Variants in SLC7A9 observed in about 807,000 individuals in gnomAD.
SLC7A9 encodes B(0,+)-type amino acid transporter 1.
SLC7A9 carries 38 observed loss-of-function variants against 54.1 expected under a neutral mutation model. The observed-to-expected ratio is 0.70, with a 90% confidence interval of 0.54 to 0.92. SLC7A9 has a LOEUF of 0.92. Ranked by LOEUF, SLC7A9 falls within the 40% of genes least tolerant of loss-of-function variation. The pLI, the probability that SLC7A9 is intolerant of heterozygous loss-of-function variation, is 0.00. For missense variants in SLC7A9, 537 were observed against 636.1 expected (o/e 0.84, Z 1.68); for synonymous variants, 264 against 258.9 (o/e 1.02, Z -0.19).
chr19:32,846,379 C>A (rs542464499), intron 9 of SLC7A9, among the ~76,000 whole-genome samples: 13 of 152,248 alleles, frequency 8.5e-5, no homozygotes, highest in African/African-American at 2.4e-4. Flanking sequence ...TATCCCGCAC[C>A]TGGCTCGGAG....
At chr19:32,832,925 T>C (rs1445871574) in intron 12 of SLC7A9, 2 of 552,952 alleles carry the variant, frequency 3.6e-6, no homozygotes, top group East Asian at 3.3e-5. Context: ...GAAAAGAAAA[T>C]GGTGCTTTCC....
At chr19:32,867,017 C>T (rs1238441746) in intron 2 of SLC7A9, among the ~76,000 whole-genome samples, 3 of 152,196 alleles carry the variant, frequency 2.0e-5, no homozygotes, top group Non-Finnish European at 4.4e-5. Context: ...TCTGCCTTCC[C>T]CCCAGCCCCA....
Position 32,864,187 on chromosome 19 carries a change from G to A in SLC7A9, c.387C>T (p.Cys129=). 6.2e-7 allele frequency: 1 copy of A among 1,614,226 alleles called. No individual in the cohort carries two copies. Among genetic ancestry groups the A allele is most frequent in the Non-Finnish European group, 8.5e-7 (1 of 1,180,028 alleles). ...VIKPTSFAII[C]LSFSEYVCAP... ...CACACACATACTCGGAGAAGCTGAGGCAGATGATGGCGAAGGACGTGGGCT... is the reference window on the plus strand; with the variant it reads ...CACACACATACTCGGAGAAGCTGAGACAGATGATGGCGAAGGACGTGGGCT... The change falls in exon 4 of 13, where the codon TGC becomes TGT. Residue 129 remains cysteine (C), a synonymous_variant. Coordinates refer to ENST00000023064, the MANE Select transcript of SLC7A9 (RefSeq NM_014270.5).
At chr19:32,842,545 T>G (rs1968157186) in intron 10 of SLC7A9, among the ~76,000 whole-genome samples, 2 of 152,196 alleles carry the variant, frequency 1.3e-5, no homozygotes, top group South Asian at 4.1e-4. Flanking sequence ...GGTTGTGATT[T>G]TAAGCAAGGG....
chr19:32,856,708 G>C (rs1051393921), intron 9 of SLC7A9, among the ~76,000 whole-genome samples: 1 of 152,048 alleles, frequency 6.6e-6, no homozygotes, highest in Admixed American at 6.6e-5. Context: ...TGGGCTTCTG[G>C]AACTACAGGC....
chr19:32,850,126 CAG>C (rs1291194331), intron 9 of SLC7A9, among the ~76,000 whole-genome samples: 609 of 149,338 alleles, frequency 4.1e-3, no homozygotes, highest in African/African-American at 0.014. Flanking sequence ...TGGCACAAGA[CAG>C]GGGTGCCCTC....
At chr19:32,858,168 C>G (rs931777006) in intron 9 of SLC7A9, among the ~76,000 whole-genome samples, 5 of 152,200 alleles carry the variant, frequency 3.3e-5, no homozygotes, top group African/African-American at 4.8e-5. Flanking sequence ...CAGCTTCCCC[C>G]CCATGTTGGG....
chr19:32,840,718 G>A (rs899743066), intron 11 of SLC7A9, among the ~76,000 whole-genome samples: 7 of 151,928 alleles, frequency 4.6e-5, no homozygotes, highest in Admixed American at 3.3e-4. Flanking sequence ...GTTTTTGTGG[G>A]GAGTTTCTGG....
At chr19:32,850,447 A>C (rs1182680449) in intron 9 of SLC7A9, among the ~76,000 whole-genome samples, 1 of 151,788 alleles carries the variant, frequency 6.6e-6, no homozygotes. Flanking sequence ...AAGAGAATAA[A>C]ATACCTAGGA....
chr19:32,831,209 A>AG (rs1967776941), intron 12 of SLC7A9: 1 of 159,854 alleles, frequency 6.3e-6, no homozygotes, highest in Non-Finnish European at 1.4e-5. Flanking sequence ...AAAAAAAAAA[A>AG]AAAGAAAGAA....
At chr19:32,854,007 A>G (rs1265392138) in intron 9 of SLC7A9, among the ~76,000 whole-genome samples, 1 of 151,056 alleles carries the variant, frequency 6.6e-6, no homozygotes, top group Non-Finnish European at 1.5e-5. Flanking sequence ...TGGAAGACTC[A>G]GTATTTTTTT....
At chr19:32,843,349 CG>C (rs1410178673) in intron 10 of SLC7A9, among the ~76,000 whole-genome samples, 4 of 151,990 alleles carry the variant, frequency 2.6e-5, no homozygotes, top group African/African-American at 9.7e-5. Context: ...CCCAGCTACT[CG>C]GAAGGCTGAG....
intron 1 of SLC7A9, 51 bp downstream of exon 1, chr19:32,869,635 C>T (rs1969079611): frequency 6.6e-6 from 1 of 152,220 alleles, no homozygotes; most frequent in African/African-American, 2.4e-5. Context: ...TCTGTCCAGG[C>T]CCCGGCCAGG....
intron 9 of SLC7A9, among the ~76,000 whole-genome samples, chr19:32,850,878 C>T (rs974848209): frequency 6.6e-6 from 1 of 152,104 alleles, no homozygotes; most frequent in African/African-American, 2.4e-5. Flanking sequence ...TGCATATCTA[C>T]AACCATCTGA....
At chr19:32,864,379 G>T in intron 3 of SLC7A9, 41 bp from the exon 4 acceptor site, 1 of 1,611,888 alleles carries the variant, frequency 6.2e-7, no homozygotes, top group South Asian at 1.1e-5. Context: ...CCCTTGTGAG[G>T]CACTGCCCCG....
intron 8 of SLC7A9, 62 bp downstream of exon 8, chr19:32,859,779 C>CA: frequency 7.2e-7 from 1 of 1,389,946 alleles, no homozygotes; most frequent in South Asian, 1.2e-5. Context: ...CCAGTGCTGA[C>CA]ACCTGCCTTA....
chr19:32,864,507 C>G, intron 3 of SLC7A9, 122 bp downstream of exon 3: 3 of 1,522,968 alleles, frequency 2.0e-6, no homozygotes, highest in Non-Finnish European at 2.7e-6. Flanking sequence ...GCCTGATTTA[C>G]ACCTGTTTGC....
chr19:32,840,579 T>G (rs187717497), intron 11 of SLC7A9, among the ~76,000 whole-genome samples: 1 of 152,116 alleles, frequency 6.6e-6, no homozygotes, highest in African/African-American at 2.4e-5. Flanking sequence ...CCCTTCCCAG[T>G]TGAGAGATTT....
rs367812003 is a variant in SLC7A9 at position 32,858,339 on chromosome 19, C to T, written c.977+101G>A. ...CCTACTTGTACTGGCGTGGGTTTCG[C>T]CTGGCAGAACCCTGAGGATTTTAGC... On this transcript the variant is annotated intron_variant, in intron 9 of 12. Transcript: ENST00000023064. The T allele has an allele frequency of 2.0e-4, 170 of 859,332 alleles. 3 individuals are homozygous for T. In the South Asian group the frequency reaches 2.3e-3, roughly 12 times the overall value. 53.2% of individuals were successfully genotyped at this position (859,332 alleles called of 1,614,324 possible). A position where few individuals can be genotyped will look rare whatever the true frequency, so the allele number is the denominator to read the frequency against.
Sources: allele counts gnomAD v4.1 joint callset (sites outside exome capture counted in the v4.1 genomes callset), GRCh38; gene constraint gnomAD v4.1.1; transcripts MANE v1.5; gene names NCBI Gene and HGNC (gene_info 2026-07-23, HGNC 2026-07-21).